CELSR1: variants seen among roughly 807,000 people sequenced by gnomAD.
CELSR1 encodes the protein cadherin EGF LAG seven-pass G-type receptor 1.
In CELSR1, 110 loss-of-function variants were observed where a neutral mutation model predicts 249.1. That is an observed-to-expected ratio of 0.44 (90% CI 0.38 to 0.52). CELSR1 has a LOEUF of 0.52. CELSR1 is among the 20% of genes least tolerant of loss of function. The pLI, the probability that CELSR1 is intolerant of heterozygous loss-of-function variation, is 0.00. For missense variants in CELSR1, 4,109 were observed against 4,296.4 expected (o/e 0.96, Z 1.22); for synonymous variants, 2,113 against 1,900.0 (o/e 1.11, Z -2.92).
At chr22:46,491,087 C>G (rs530190802) in intron 1 of CELSR1, among the ~76,000 whole-genome samples, 1 of 152,028 alleles carries the variant, frequency 6.6e-6, no homozygotes, top group Non-Finnish European at 1.5e-5. Context: ...ACCCCGGGCC[C>G]TTGGACATGG....
chr22:46,431,536 C>T (rs958224860), intron 5 of CELSR1, among the ~76,000 whole-genome samples: 16 of 152,184 alleles, frequency 1.1e-4, no homozygotes, highest in African/African-American at 1.7e-4. Context: ...GATGGGGCAC[C>T]GTCTCCAGGG....
In CELSR1 at chr22:46,377,051, G is replaced by A. The variant is rs776603624; in HGVS notation, c.7584+10C>T. On this transcript the variant is annotated intron_variant, in intron 24 of 34. Transcript: ENST00000674500. ...CCCAGACAGTGGGGAGGGGAGCAGAGTGGCCATACCGGGTTTTCCGTCTGG... is the reference window on the plus strand; with the variant it reads ...CCCAGACAGTGGGGAGGGGAGCAGAATGGCCATACCGGGTTTTCCGTCTGG... 4.0e-5 allele frequency: 65 copies of A among 1,611,540 alleles called. No homozygotes were observed. The highest frequency in any genetic ancestry group is 5.0e-5 in the Non-Finnish European group (59 of 1,179,606).
In CELSR1 at chr22:46,535,771, T is replaced by C. The variant is rs748376211; in HGVS notation, c.1400A>G (p.Gln467Arg). 7 of 1,612,408 alleles carry C rather than the reference T, an allele frequency of 4.3e-6. No homozygotes were observed. Among genetic ancestry groups the C allele is most frequent in the Admixed American group, 1.7e-5 (1 of 60,000 alleles). ...GTTGAGCCCCACGTCCTCGGGCACC[T>C]GGACCACGTAGTTCTGCTCGCTGAA... Reference protein sequence around the residue: ...PQFSEQNYVVQVPEDVGLNTA... With the variant: ...PQFSEQNYVVRVPEDVGLNTA... The change falls in exon 1 of 35, where the codon CAG (glutamine) becomes CGG (arginine). Residue 467 changes from glutamine (Q) to arginine (R), a missense_variant. By Grantham distance (43) the Gln-to-Arg change is conservative. Transcript: ENST00000674500.
In CELSR1 at chr22:46,377,127, G is replaced by A. The variant is rs772794649; in HGVS notation, c.7518C>T (p.His2506=). Residue 2506 remains histidine (H), a synonymous_variant, in exon 24 of 35, where the codon CAC becomes CAT. Coordinates refer to ENST00000674500, the MANE Select transcript of CELSR1 (RefSeq NM_001378328.1). ...GAGAGAGGAAGAGCGCCACGGCGAGGTGCTTGTGAATGCTGTGCAGGTTGG... is the reference window on the plus strand; with the variant it reads ...GAGAGAGGAAGAGCGCCACGGCGAGATGCTTGTGAATGCTGTGCAGGTTGG... ...LRSNLHSIHK[H]LAVALFLSQL... 6.8e-6 allele frequency: 11 copies of A among 1,613,432 alleles called. No homozygotes were observed. The highest frequency in any genetic ancestry group is 9.3e-6 in the Non-Finnish European group (11 of 1,179,884).
At chr22:46,422,982 C>T (rs533651661) in intron 5 of CELSR1, among the ~76,000 whole-genome samples, 8 of 152,338 alleles carry the variant, frequency 5.3e-5, no homozygotes, top group African/African-American at 1.9e-4. Context: ...CTCTGCAATG[C>T]CACCTCCTGG....
chr22:46,426,511 C>T (rs981083832), intron 5 of CELSR1, among the ~76,000 whole-genome samples: 1 of 152,000 alleles, frequency 6.6e-6, no homozygotes, highest in African/African-American at 2.4e-5. Context: ...TCTTGGGGCT[C>T]TTTTATAAGG....
intron 1 of CELSR1, among the ~76,000 whole-genome samples, chr22:46,485,612 C>T (rs1035745897): frequency 6.6e-6 from 1 of 152,200 alleles, no homozygotes; most frequent in Non-Finnish European, 1.5e-5. Flanking sequence ...TCCAAATTGC[C>T]GAGGAGCAAA....
rs749811957 is a variant in CELSR1, at chr22:46,484,126, G to A, written c.3545-19781C>T. 1.3e-4 allele frequency among the ~76,000 whole-genome samples: 20 copies of A among 152,310 alleles called. No homozygotes were observed. Among genetic ancestry groups the A allele is most frequent in the East Asian group, 7.7e-4 (4 of 5,180 alleles). ...TAGGGAGGAGCGCCCCAGGCCTTCC[G>A]CCCAGAAATCCAAGGGTACAGGGCA... is the stretch of plus-strand genomic sequence containing the variant. On this transcript the variant is annotated intron_variant, in intron 1 of 34. Transcript: ENST00000674500. The surrounding 1 kb of genome is among the most constrained non-coding windows in gnomAD (Gnocchi z 4.5).
At chr22:46,466,980 C>A (rs535741978) in intron 1 of CELSR1, among the ~76,000 whole-genome samples, 78 of 152,314 alleles carry the variant, frequency 5.1e-4, no homozygotes, top group African/African-American at 1.8e-3. Context: ...AACAAAGCCT[C>A]CAGGAACCTG....
At chr22:46,397,303 G>A (rs1313837604) in intron 12 of CELSR1, among the ~76,000 whole-genome samples, 6 of 85,102 alleles carry the variant, frequency 7.1e-5, no homozygotes, top group Non-Finnish European at 8.9e-5. Flanking sequence ...TTTTTTTTTC[G>A]TAGAGATGGG....
intron 3 of CELSR1, among the ~76,000 whole-genome samples, chr22:46,438,895 T>G (rs548081983): frequency 6.6e-6 from 1 of 152,182 alleles, no homozygotes; most frequent in African/African-American, 2.4e-5. Flanking sequence ...GTAGCTGGGA[T>G]TACAGGCATA....
At position 46,365,644 on chromosome 22, in the gene CELSR1, C is replaced by G; in HGVS notation, c.8346G>C (p.Arg2782Ser). 6.3e-7 allele frequency: 1 copy of G among 1,589,324 alleles called. No individual in the cohort carries two copies. Residue 2782 changes from arginine to serine, a missense_variant, in exon 31 of 35, where the codon AGG (arginine) becomes AGC (serine). This residue lies in a region of CELSR1 where 1,805 missense variants were observed against 1,831.6 expected (regional missense o/e 0.99). Coordinates refer to ENST00000674500, the MANE Select transcript of CELSR1 (RefSeq NM_001378328.1). ...QKLGVSSGLV[R>S]GSHGEPDASL... ...ACGCGTCTGGCTCTCCGTGGCTGCC[C>G]CTCACCAGCCCAGAGGACACGCCGA...
chr22:46,424,759 G>C (rs571748289), intron 5 of CELSR1, among the ~76,000 whole-genome samples: 202 of 152,310 alleles, frequency 1.3e-3, no homozygotes, highest in African/African-American at 4.6e-3. Flanking sequence ...GATTACTTGA[G>C]GTCAGGAGTT....
In CELSR1 at chr22:46,429,386, C is replaced by T. The variant is rs886967462; in HGVS notation, c.4611+4007G>A. On this transcript the variant is annotated intron_variant, in intron 5 of 34. Transcript: ENST00000674500. The surrounding 1 kb of genome is among the most constrained non-coding windows in gnomAD (Gnocchi z 4.1). ...AAAAAACCAGCCTGGGGTGAAGCAACGACTGAAAATGCTCCACTCGGCCCC... is the reference window on the plus strand; with the variant it reads ...AAAAAACCAGCCTGGGGTGAAGCAATGACTGAAAATGCTCCACTCGGCCCC... Among the ~76,000 whole-genome samples, 3 of 152,160 alleles carry T rather than the reference C, an allele frequency of 2.0e-5. No homozygotes were observed. Among genetic ancestry groups the T allele is most frequent in the African/African-American group, 4.8e-5 (2 of 41,448 alleles).
rs781138830 is a variant in CELSR1 at position 46,534,001 on chromosome 22, C to T, written c.3170G>A (p.Arg1057His). The T allele has an allele frequency of 1.7e-5, 28 of 1,613,642 alleles. No homozygotes were observed. The highest frequency in any genetic ancestry group is 2.2e-5 in the Non-Finnish European group (26 of 1,180,014). ...CTCAAAGTCCAGCTCCACCATGGCACGCAGGTCCCCGTTGAGCAGGTCCAG... is the reference window on the plus strand; with the variant it reads ...CTCAAAGTCCAGCTCCACCATGGCATGCAGGTCCCCGTTGAGCAGGTCCAG... ...FQLDLLNGDL[R>H]AMVELDFEVR... Residue 1057 changes from arginine (R) to histidine (H), a missense_variant, in exon 1 of 35, where the codon CGT becomes CAT. This residue lies in a region of CELSR1 where 886 missense variants were observed against 896.5 expected (regional missense o/e 0.99). Coordinates refer to ENST00000674500, the MANE Select transcript of CELSR1 (RefSeq NM_001378328.1). This position sits in a 1 kb window ranked among gnomAD's most constrained non-coding sequence, Gnocchi z 9.7.
Position 46,369,929 on chromosome 22 carries a change from A to AGGAGTCCAGGGAG in CELSR1, c.7760-138_7760-126dup, listed in dbSNP as rs748748034. Reference sequence around the variant, plus strand: ...ATCTCCCTTCTCAGAGGAAGGAGCAAGGAGTCCAGGGAGCCAGCCCAGGGC... The same window carrying AGGAGTCCAGGGAG: ...ATCTCCCTTCTCAGAGGAAGGAGCAAGGAGTCCAGGGAGGGAGTCCAGGGAGCCAGCCCAGGGC... On this transcript the variant is annotated intron_variant, in intron 25 of 34. Transcript: ENST00000674500. The AGGAGTCCAGGGAG allele has an allele frequency of 1.5e-5, 12 of 802,480 alleles. No individual in the cohort carries two copies. The South Asian group carries it at 1.7e-4, about 11-fold the overall frequency. The allele number at this position is 802,480 out of a possible 1,614,324, so 49.7% of individuals were successfully genotyped here. A position where few individuals can be genotyped will look rare whatever the true frequency, so the allele number is the denominator to read the frequency against.
At chr22:46,422,725 C>T (rs1283240516) in intron 5 of CELSR1, among the ~76,000 whole-genome samples, 4 of 150,360 alleles carry the variant, frequency 2.7e-5, no homozygotes, top group Admixed American at 1.3e-4. Flanking sequence ...TGAGATCACG[C>T]CACTGCACTC....
Position 46,526,480 on chromosome 22 carries a change from G to A in CELSR1, c.3544+7147C>T, listed in dbSNP as rs1357184461. Among the ~76,000 whole-genome samples the A allele has an allele frequency of 6.6e-6, 1 of 152,116 alleles. No homozygotes were observed. The highest frequency in any genetic ancestry group is 2.4e-5 in the African/African-American group (1 of 41,430). Reference sequence around the variant, plus strand: ...CCATCCCACTCATGCCAGCAACCTTGTCATTTGCTTCTCAGAGGCACCCCC... The same window carrying A: ...CCATCCCACTCATGCCAGCAACCTTATCATTTGCTTCTCAGAGGCACCCCC... On this transcript the variant is annotated intron_variant, in intron 1 of 34. Transcript: ENST00000674500. The surrounding 1 kb of genome is among the most constrained non-coding windows in gnomAD (Gnocchi z 4.7).
intron 25 of CELSR1, among the ~76,000 whole-genome samples, 193 bp downstream of exon 25, chr22:46,372,690 G>A (rs1189107874): frequency 3.3e-5 from 5 of 152,118 alleles, no homozygotes; most frequent in Admixed American, 3.3e-4. Flanking sequence ...ACACCTCACA[G>A]AAGACGTCGC....
Sources: gnomAD v4.1 joint callset for allele counts (sites outside exome capture counted in the v4.1 genomes callset) on GRCh38, gnomAD v4.1.1 for gene constraint, gnomAD v4.1.1 regional missense constraint, Gnocchi (gnomAD v3.1) non-coding constraint, MANE v1.5 for transcripts, NCBI Gene and HGNC (gene_info 2026-07-23, HGNC 2026-07-21) for gene names.